GEMIN4: variants seen among roughly 807,000 people sequenced by gnomAD.
GEMIN4 encodes the protein gem nuclear organelle associated protein 4, also known as gem-associated protein 4.
GEMIN4 carries 59 observed loss-of-function variants against 76.8 expected under a neutral mutation model. The ratio of observed to expected loss-of-function variants is 0.77; its 90% CI spans 0.62 to 0.95. The LOEUF is 0.95. Among genes scored for constraint, GEMIN4 ranks in the 40% least tolerant of loss-of-function variants. GEMIN4 has a pLI of 0.00. For synonymous variants in GEMIN4, 562 were observed against 559.7 expected (o/e 1.00, Z -0.06); for missense variants, 1,311 against 1,318.9 (o/e 0.99, Z 0.09).
In GEMIN4 at chr17:746,919, A is replaced by C. The variant is rs1334780373; in HGVS notation, c.1124T>G (p.Val375Gly). 6.2e-6 allele frequency: 10 copies of C among 1,613,484 alleles called. No homozygotes were observed. The highest frequency in any genetic ancestry group is 7.6e-6 in the Non-Finnish European group (9 of 1,179,818). Residue 375 changes from valine to glycine, a missense_variant, in exon 2 of 2, where the codon GTG (valine) becomes GGG (glycine). Coordinates refer to ENST00000319004, the MANE Select transcript of GEMIN4 (RefSeq NM_015721.3). This position sits in a 1 kb window ranked among gnomAD's most constrained non-coding sequence, Gnocchi z 4.3. ...GACACACTCCGCCAGCTCAGAGACC[A>C]CCTGCCTGTCCTCCTTGGACAGGCT... is the stretch of plus-strand genomic sequence containing the variant. Reference protein sequence around the residue: ...RTSLSKEDRQVVSELAECVRD... With the variant: ...RTSLSKEDRQGVSELAECVRD...
Position 745,724 on chromosome 17 carries a change from C to T in GEMIN4, c.2319G>A (p.Arg773=). Residue 773 remains arginine (R), a synonymous_variant, in exon 2 of 2, where the codon AGG becomes AGA. Transcript: ENST00000319004. The surrounding 1 kb of genome is among the most constrained non-coding windows in gnomAD (Gnocchi z 4.6). Reference sequence around the variant, plus strand: ...AGTGCCCCTCGAAGAAGCTCTTCAGCCTCAGGCCCACAGTCCAGTCTAGCT... The same window carrying T: ...AGTGCCCCTCGAAGAAGCTCTTCAGTCTCAGGCCCACAGTCCAGTCTAGCT... The part of the protein sequence containing the change: ...LEQLDWTVGL[R]LKSFFEGHFK... 1 of 1,606,658 alleles carries T rather than the reference C, an allele frequency of 6.2e-7. No individual in the cohort carries two copies. The highest frequency in any genetic ancestry group is 8.5e-7 in the Non-Finnish European group (1 of 1,176,712).
intron 1 of GEMIN4, among the ~76,000 whole-genome samples, chr17:751,144 G>A (rs1904662090): frequency 6.6e-6 from 1 of 152,146 alleles, no homozygotes; most frequent in South Asian, 2.1e-4. Flanking sequence ...CGCTTCTTAG[G>A]TTTATTAAGC....
At chr17:752,631 G>A, upstream of GEMIN4, 1 of 1,003,886 alleles carries the variant, frequency 1.0e-6, no homozygotes, top group Non-Finnish European at 1.2e-6. Context: ...CCCTCAACGC[G>A]CTCCTGCCGC....
rs1974315827 is a variant in GEMIN4, at chr17:744,609, G to A, written c.*257C>T. ...GGCTATTGCTGAGGCCGACTTAGAA[G>A]AGACAAAGTGAGATGCGAAAGAGGA... On this transcript the variant is annotated 3_prime_UTR_variant, in exon 2 of 2. Transcript: ENST00000319004. The A allele has an allele frequency of 5.0e-6, 2 of 397,258 alleles. No individual in the cohort carries two copies. Among genetic ancestry groups the A allele is most frequent in the African/African-American group, 4.1e-5 (2 of 49,134 alleles). The allele number at this position is 397,258 out of a possible 1,614,324, so 24.6% of individuals were successfully genotyped here.
rs1597566444 is a variant in GEMIN4 at position 752,184 on chromosome 17, C to G, written c.-42G>C. On this transcript the variant is annotated 5_prime_UTR_variant, in exon 1 of 2. Coordinates refer to ENST00000319004, the MANE Select transcript of GEMIN4 (RefSeq NM_015721.3). ...GCTGCGCGGGGCTAACGCCCCCTCC[C>G]CTCCGAGAACTCGAACGCGGCGCGG... The G allele has an allele frequency of 8.1e-7, 1 of 1,233,460 alleles. No homozygotes were observed. Among genetic ancestry groups the G allele is most frequent in the African/African-American group, 1.6e-5 (1 of 64,360 alleles). The allele number at this position is 1,233,460 out of a possible 1,614,324, so 76.4% of individuals were successfully genotyped here. A position where few individuals can be genotyped will look rare whatever the true frequency, so the allele number is the denominator to read the frequency against.
chr17:752,926 G>T, upstream of GEMIN4: 1 of 154,058 alleles, frequency 6.5e-6, no homozygotes, highest in South Asian at 1.8e-4. Flanking sequence ...TCAAGCAGCT[G>T]AAGGGTCCCG....
upstream of GEMIN4, chr17:752,348 C>G (rs950482880): frequency 1.7e-6 from 2 of 1,174,312 alleles, no homozygotes; most frequent in African/African-American, 1.6e-5. Context: ...CACAGCGCCG[C>G]CTTCCGGCAG....
rs1974359579 is a variant in GEMIN4 at position 745,490 on chromosome 17, T to C, written c.2553A>G (p.Lys851=). The change falls in exon 2 of 2, where the codon AAA becomes AAG. Residue 851 remains lysine (K), a synonymous_variant. Coordinates refer to ENST00000319004, the MANE Select transcript of GEMIN4 (RefSeq NM_015721.3). This position sits in a 1 kb window ranked among gnomAD's most constrained non-coding sequence, Gnocchi z 4.6. The part of the protein sequence containing the change: ...GNPEEVRLFS[K]GFLVALVQVM... ...CTTGCACCAGGGCCACCAGAAAGCC[T>C]TTGCTGAACAGTCTGACCTCCTCAG... 1 of 1,611,896 alleles carries C rather than the reference T, an allele frequency of 6.2e-7. No homozygotes were observed. The highest frequency in any genetic ancestry group is 1.1e-5 in the South Asian group (1 of 91,060).
At chr17:749,682 C>A in intron 1 of GEMIN4, 1 of 334,692 alleles carries the variant, frequency 3.0e-6, no homozygotes, top group South Asian at 6.3e-5. Flanking sequence ...AGCAATCACG[C>A]AGCCACAGGG....
Position 752,154 on chromosome 17 carries a change from CG to C in GEMIN4, c.-13del, listed in dbSNP as rs1216593239. The C allele has an allele frequency of 1.6e-6, 2 of 1,235,960 alleles. No homozygotes were observed. The highest frequency in any genetic ancestry group is 2.0e-6 in the Non-Finnish European group (2 of 989,662). The allele number at this position is 1,235,960 out of a possible 1,614,324, so 76.6% of individuals were successfully genotyped here. A position where few individuals can be genotyped will look rare whatever the true frequency, so the allele number is the denominator to read the frequency against. Reference sequence around the variant, plus strand: ...CCACCTAGGTCCATGGCGGCGACGCCGGCGGCTGCGCGGGGCTAACGCCCCC... The same window carrying C: ...CCACCTAGGTCCATGGCGGCGACGCCGCGGCTGCGCGGGGCTAACGCCCCC... On this transcript the variant is annotated 5_prime_UTR_variant, in exon 1 of 2. Coordinates refer to ENST00000319004, the MANE Select transcript of GEMIN4 (RefSeq NM_015721.3).
At chr17:748,852 A>C in intron 1 of GEMIN4, 1 of 200,642 alleles carries the variant, frequency 5.0e-6, no homozygotes, top group Non-Finnish European at 9.9e-6. Context: ...TCACACAGCC[A>C]CAGGGTAATG....
Position 746,117 on chromosome 17 carries a change from C to G in GEMIN4, c.1926G>C (p.Val642=). 1.2e-6 allele frequency: 2 copies of G among 1,613,972 alleles called. No individual in the cohort carries two copies. Among genetic ancestry groups the G allele is most frequent in the Non-Finnish European group, 1.7e-6 (2 of 1,179,896 alleles). The change falls in exon 2 of 2, where the codon GTG becomes GTC. Residue 642 remains valine, a synonymous_variant. Transcript: ENST00000319004. This position sits in a 1 kb window ranked among gnomAD's most constrained non-coding sequence, Gnocchi z 4.3. ...MSPVKPQGIP[V]AALLEPDEVL... ...CCTCGTCTGGCTCAAGAAGAGCAGC[C>G]ACTGGAATCCCTTGGGGTTTCACGG... is the stretch of plus-strand genomic sequence containing the variant.
chr17:747,770 C>T lies in GEMIN4; in HGVS notation c.273G>A (p.Arg91=), dbSNP rs1239840183. The change falls in exon 2 of 2, where the codon CGG becomes CGA. Residue 91 remains arginine (R), a synonymous_variant. Transcript: ENST00000319004. Reference sequence around the variant, plus strand: ...CCGAGAAGAACAGGTCTTCCTGCCACCGTGTCTCTGTGTCGGACGGGGTCA... The same window carrying T: ...CCGAGAAGAACAGGTCTTCCTGCCATCGTGTCTCTGTGTCGGACGGGGTCA... The part of the protein sequence containing the change: ...HPVTPSDTET[R]WQEDLFFSVG... The T allele has an allele frequency of 6.2e-7, 1 of 1,613,310 alleles. No homozygotes were observed. Among genetic ancestry groups the T allele is most frequent in the South Asian group, 1.1e-5 (1 of 91,028 alleles).
rs966527686 is a variant in GEMIN4, at chr17:745,122, T to C, written c.2921A>G (p.Glu974Gly). 2 of 1,610,538 alleles carry C rather than the reference T, an allele frequency of 1.2e-6. No homozygotes were observed. The highest frequency in any genetic ancestry group is 1.1e-5 in the South Asian group (1 of 90,560). The change falls in exon 2 of 2, where the codon GAA becomes GGA. Residue 974 changes from glutamate to glycine, a missense_variant. Physicochemically the swap from Glu to Gly is moderately conservative, Grantham distance 98. Around this residue, in one of 2 missense-constraint regions of GEMIN4, gnomAD observed 1,208 missense variants for 1,166.9 expected, o/e 1.04. Transcript: ENST00000319004. This position sits in a 1 kb window ranked among gnomAD's most constrained non-coding sequence, Gnocchi z 4.6. Reference sequence around the variant, plus strand: ...CACCTGGGTGTAAACAAACAGGGCTTCCTGGGTCAGGTCCTGCTCTGGTCC... The same window carrying C: ...CACCTGGGTGTAAACAAACAGGGCTCCCTGGGTCAGGTCCTGCTCTGGTCC... ...VQGPEQDLTQ[E>G]ALFVYTQVFC... is the part of the protein sequence containing the mutation.
rs1904364459 is a variant in GEMIN4 at position 747,976 on chromosome 17, C to T, written c.67G>A (p.Glu23Lys). The T allele has an allele frequency of 1.9e-6, 3 of 1,612,432 alleles. No homozygotes were observed. Among genetic ancestry groups the T allele is most frequent in the South Asian group, 1.1e-5 (1 of 90,850 alleles). The change falls in exon 2 of 2, where the codon GAG (glutamate) becomes AAG (lysine). Residue 23 changes from glutamate to lysine, a missense_variant. Glu to Lys is a moderately conservative substitution (Grantham distance 56). This residue lies in a region of GEMIN4 where 103 missense variants were observed against 152.0 expected (regional missense o/e 0.68). Coordinates refer to ENST00000319004, the MANE Select transcript of GEMIN4 (RefSeq NM_015721.3). ...AGTGCCTTAGGGTGGAACAGCTGCT[C>T]GGCCAGCAAGAAGCCTCCATGCAGA... is the stretch of plus-strand genomic sequence containing the variant. ...TILHGGFLLA[E>K]QLFHPKALAE...
chr17:745,032 A>T lies in GEMIN4; in HGVS notation c.3011T>A (p.Leu1004Ter). 1 of 1,613,906 alleles carries T rather than the reference A, an allele frequency of 6.2e-7. No individual in the cohort carries two copies. Among genetic ancestry groups the T allele is most frequent in the Non-Finnish European group, 8.5e-7 (1 of 1,179,880 alleles). Residue 1004 changes from leucine (L) to a stop codon, truncating the protein, a stop_gained, in exon 2 of 2, where the codon TTA (leucine) becomes TAA (stop). Coordinates refer to ENST00000319004, the MANE Select transcript of GEMIN4 (RefSeq NM_015721.3). LOFTEE classifies it high-confidence loss of function. This position sits in a 1 kb window ranked among gnomAD's most constrained non-coding sequence, Gnocchi z 4.6. ...ATAGCAGGTGAGGGTTTCCAAGGCT[A>T]AAACGTAGAGTGGCTCACAGACCTC... ...HPEVCEPLYV[L>*]ALETLTCYET... is the part of the protein sequence containing the mutation.
chr17:748,240 G>C (rs1904384679), intron 1 of GEMIN4: 2 of 553,832 alleles, frequency 3.6e-6, no homozygotes, highest in African/African-American at 3.8e-5. Context: ...TCTCCAGCCT[G>C]GGAACTGGGA....
intron 1 of GEMIN4, chr17:749,822 C>A: frequency 1.0e-6 from 1 of 996,856 alleles, no homozygotes; most frequent in Non-Finnish European, 1.2e-6. Context: ...GCCTTGGGAA[C>A]AGGCTTCAAA....
Position 747,251 on chromosome 17 carries a change from C to G in GEMIN4, c.792G>C (p.Val264=), listed in dbSNP as rs377290743. The G allele has an allele frequency of 3.7e-6, 6 of 1,613,742 alleles. No homozygotes were observed. Among genetic ancestry groups the G allele is most frequent in the Non-Finnish European group, 5.1e-6 (6 of 1,179,886 alleles). Residue 264 remains valine (V), a synonymous_variant, in exon 2 of 2, where the codon GTG becomes GTC. Coordinates refer to ENST00000319004, the MANE Select transcript of GEMIN4 (RefSeq NM_015721.3). ...TCACCGTGGCCAGTTTGTCCAGATA[C>G]ACGGTTGCAGACACCTCCTGGGGGT... ...EDDPQEVSAT[V]YLDKLATVIS...
Sources: allele counts gnomAD v4.1 joint callset (sites outside exome capture counted in the v4.1 genomes callset), GRCh38; gene constraint gnomAD v4.1.1; regional missense constraint gnomAD v4.1.1; non-coding constraint Gnocchi (gnomAD v3.1); transcripts MANE v1.5; gene names NCBI Gene and HGNC (gene_info 2026-07-23, HGNC 2026-07-21).